Variants in FTCDNL1 observed in about 807,000 individuals in gnomAD.
The protein encoded by FTCDNL1 is formiminotransferase N-terminal subdomain-containing protein.
Under a neutral mutation model 5.9 loss-of-function variants are expected in FTCDNL1, and 11 were observed. The observed-to-expected ratio is 1.87, with a 90% CI of 1.18 to 3.10. FTCDNL1 has a LOEUF of 3.10. FTCDNL1 is among the 30% of genes most tolerant of loss of function. The pLI, the probability that FTCDNL1 is intolerant of heterozygous loss-of-function variation, is 0.00. For synonymous variants in FTCDNL1, 58 were observed against 24.8 expected (o/e 2.34, Z -3.99); for missense variants, 115 against 65.5 (o/e 1.76, Z -2.61).
intron 3 of FTCDNL1, among the ~76,000 whole-genome samples, chr2:199,775,912 C>CTTT (rs71019085): frequency 2.5e-5 from 3 of 117,742 alleles, no homozygotes; most frequent in Non-Finnish European, 3.7e-5. Context: ...GCAGGATCTC[C>CTTT]TTTTTTTTTT....
chr2:199,722,470 T>C, the FTCDNL1 span, among the ~76,000 whole-genome samples: 1 of 152,156 alleles, frequency 6.6e-6, no homozygotes, highest in African/African-American at 2.4e-5. Flanking sequence ...TTCTCTATTA[T>C]GTTCCATTGG....
chr2:199,772,411 T>C (rs1206017933), intron 3 of FTCDNL1, among the ~76,000 whole-genome samples: 2 of 152,204 alleles, frequency 1.3e-5, no homozygotes, highest in Non-Finnish European at 2.9e-5. Flanking sequence ...GGGCTTCCTC[T>C]TTCTGGGCAC....
chr2:199,819,679 C>T lies in FTCDNL1; in HGVS notation c.290G>A (p.Arg97His), dbSNP rs1432599935. 7 of 702,206 alleles carry T rather than the reference C, an allele frequency of 1.0e-5. No homozygotes were observed. The highest frequency in any genetic ancestry group is 3.5e-5 in the African/African-American group (2 of 57,232). 43.5% of individuals were successfully genotyped at this position (702,206 alleles called of 1,614,324 possible). Reference sequence around the variant, plus strand: ...CTGCTTCCTTCTCTGCACAAGACTGCGCTTCTCAGGCAGGTCAGCTTCGCC... The same window carrying T: ...CTGCTTCCTTCTCTGCACAAGACTGTGCTTCTCAGGCAGGTCAGCTTCGCC... ...LFGEADLPEKRSLVQRRKQLG... is the reference protein window; with the variant it reads ...LFGEADLPEKHSLVQRRKQLG... Residue 97 changes from arginine to histidine, a missense_variant, in exon 4 of 5, where the codon CGC becomes CAC. Coordinates refer to ENST00000420128, the MANE Select transcript of FTCDNL1 (RefSeq NM_001363886.2).
intron 3 of FTCDNL1, among the ~76,000 whole-genome samples, chr2:199,791,459 A>C (rs1699921596): frequency 6.6e-6 from 1 of 152,164 alleles, no homozygotes; most frequent in South Asian, 2.1e-4. Flanking sequence ...TTATGATTTA[A>C]AAAGCACGCA....
At chr2:199,827,299 C>T (rs536852641) in intron 3 of FTCDNL1, among the ~76,000 whole-genome samples, 3 of 152,158 alleles carry the variant, frequency 2.0e-5, no homozygotes, top group African/African-American at 7.2e-5. Context: ...GATTCTGCTA[C>T]AAGTAAATGG....
chr2:199,710,750 A>T, the FTCDNL1 span, among the ~76,000 whole-genome samples: 2 of 152,136 alleles, frequency 1.3e-5, no homozygotes, highest in Admixed American at 6.5e-5. Context: ...AAATTAGATT[A>T]TTGCTAAGGC....
In FTCDNL1 at chr2:199,762,663, C is replaced by T. The variant is rs897848322; in HGVS notation, c.212-1828G>A. 1.4e-4 allele frequency among the ~76,000 whole-genome samples: 21 copies of T among 152,058 alleles called. 1 individual carries two copies. Among genetic ancestry groups the T allele is most frequent in the African/African-American group, 4.1e-4 (17 of 41,400 alleles). On this transcript the variant is annotated intron_variant, in intron 3 of 3. Transcript: ENST00000416668. ...AAATGAATGAGTTTTTGCAATGTTACCCTTTATTGTGTGATAGTATACACT... is the reference window on the plus strand; with the variant it reads ...AAATGAATGAGTTTTTGCAATGTTATCCTTTATTGTGTGATAGTATACACT...
chr2:199,713,176 T>C, the FTCDNL1 span, among the ~76,000 whole-genome samples: 2 of 152,202 alleles, frequency 1.3e-5, no homozygotes, highest in Non-Finnish European at 2.9e-5. Flanking sequence ...TGAGTGCTAT[T>C]CTACTTTATT....
the FTCDNL1 span, among the ~76,000 whole-genome samples, chr2:199,688,486 C>T: frequency 6.6e-6 from 1 of 151,982 alleles, no homozygotes. Flanking sequence ...TAATTCTGAC[C>T]CTGATTCAGG....
downstream of FTCDNL1, among the ~76,000 whole-genome samples, chr2:199,757,758 G>A (rs1698121776): frequency 6.6e-6 from 1 of 152,190 alleles, no homozygotes; most frequent in African/African-American, 2.4e-5. Flanking sequence ...GCAGCTGGTG[G>A]TGGTAGCAAT....
chr2:199,783,903 T>C (rs1024088909), intron 3 of FTCDNL1, among the ~76,000 whole-genome samples: 4 of 152,102 alleles, frequency 2.6e-5, no homozygotes, highest in Non-Finnish European at 5.9e-5. Flanking sequence ...ATGCTAGCTT[T>C]TGATGGGGAG....
chr2:199,769,034 A>G (rs1040434767), intron 3 of FTCDNL1, among the ~76,000 whole-genome samples: 2 of 152,120 alleles, frequency 1.3e-5, no homozygotes, highest in African/African-American at 4.8e-5. Flanking sequence ...CAGGGGCGGA[A>G]CATGTGTGAT....
chr2:199,842,439 C>A (rs1001365808), intron 3 of FTCDNL1, among the ~76,000 whole-genome samples: 16 of 152,180 alleles, frequency 1.1e-4, no homozygotes, highest in African/African-American at 3.6e-4. Context: ...CTCTGGGCCT[C>A]TGCATCACTG....
chr2:199,784,370 G>T lies in FTCDNL1; in HGVS notation c.212-23535C>A, dbSNP rs147416660. Among the ~76,000 whole-genome samples the T allele has an allele frequency of 9.9e-3, 1,502 of 152,286 alleles. 18 individuals are homozygous for T. Among genetic ancestry groups the T allele is most frequent in the South Asian group, 0.021 (99 of 4,824 alleles). ...AAAGATTAGGAATTGCACCAAGACT[G>T]TATGCCAGGGGCTCTCAGTGCTCTA... On this transcript the variant is annotated intron_variant, in intron 3 of 3. Coordinates refer to the FTCDNL1 transcript ENST00000416668.
chr2:199,703,410 G>C, the FTCDNL1 span, among the ~76,000 whole-genome samples: 1 of 152,138 alleles, frequency 6.6e-6, no homozygotes, highest in South Asian at 2.1e-4. Flanking sequence ...CATGAAAAGA[G>C]GAATGTTAGA....
intron 3 of FTCDNL1, among the ~76,000 whole-genome samples, chr2:199,828,989 C>T (rs1702200450): frequency 6.6e-6 from 1 of 152,116 alleles, no homozygotes; most frequent in African/African-American, 2.4e-5. Flanking sequence ...ATGCTCTGTC[C>T]TTAGAGTAGT....
At chr2:199,688,924 G>GCAGCTACT in the FTCDNL1 span, among the ~76,000 whole-genome samples, 12 of 152,286 alleles carry the variant, frequency 7.9e-5, no homozygotes, top group Admixed American at 7.2e-4. Flanking sequence ...GCCCAGAAGG[G>GCAGCTACT]CAGCTACTCA....
At chr2:199,743,422 A>G in the FTCDNL1 span, among the ~76,000 whole-genome samples, 1 of 152,226 alleles carries the variant, frequency 6.6e-6, no homozygotes, top group Non-Finnish European at 1.5e-5. Flanking sequence ...TGAACATCCA[A>G]AACCAGACTG....
the FTCDNL1 span, among the ~76,000 whole-genome samples, chr2:199,682,187 G>A: frequency 1.3e-5 from 2 of 152,158 alleles, no homozygotes; most frequent in Non-Finnish European, 2.9e-5. Context: ...CCTCCATAAT[G>A]TGGGTGGGCC....
Sources: gnomAD v4.1 joint callset for allele counts (sites outside exome capture counted in the v4.1 genomes callset) on GRCh38, gnomAD v4.1.1 for gene constraint, MANE v1.5 for transcripts, NCBI Gene and HGNC (gene_info 2026-07-23, HGNC 2026-07-21) for gene names.